CEP41: variants seen among roughly 807,000 people sequenced by gnomAD.
The protein encoded by CEP41 is centrosomal protein of 41 kDa.
In CEP41, 32 loss-of-function variants were observed where a neutral mutation model predicts 44.3. The ratio of observed to expected loss-of-function variants is 0.72; its 90% confidence interval spans 0.54 to 0.97. CEP41 has a LOEUF of 0.97. CEP41 is among the 50% of genes least tolerant of loss of function. The pLI is 0.00. For synonymous variants in CEP41, 151 were observed against 168.5 expected, an observed-to-expected ratio of 0.90 and a Z score of 0.80; for missense variants, 432 against 455.2, an observed-to-expected ratio of 0.95 and a Z score of 0.46.
At chr7:130,402,847 C>T in intron 6 of CEP41, 48 bp from the exon 7 acceptor site, 1 of 1,600,746 alleles carries the variant, frequency 6.2e-7, no homozygotes, top group African/African-American at 1.3e-5. Flanking sequence ...AGGTTGGTGG[C>T]TTAAAGGTCG....
chr7:130,439,009 A>G (rs539926657), intron 1 of CEP41, among the ~76,000 whole-genome samples: 83 of 152,296 alleles, frequency 5.4e-4, no homozygotes, highest in African/African-American at 1.8e-3. Flanking sequence ...GAAATCTACA[A>G]TATAGTTGAA....
intron 4 of CEP41, 36 bp downstream of exon 4, chr7:130,412,143 C>CA: frequency 8.5e-7 from 1 of 1,172,736 alleles, no homozygotes; most frequent in Non-Finnish European, 1.3e-6. Context: ...ACAAATTAGA[C>CA]AGACTTTACT....
intron 1 of CEP41, among the ~76,000 whole-genome samples, chr7:130,437,299 CAT>C (rs1270884918): frequency 6.6e-6 from 1 of 151,436 alleles, no homozygotes; most frequent in African/African-American, 2.4e-5. Flanking sequence ...ACTAAAAAGA[CAT>C]AAATTTCTGG....
intron 2 of CEP41, among the ~76,000 whole-genome samples, chr7:130,418,274 T>C (rs1554421306): frequency 6.6e-6 from 1 of 152,122 alleles, no homozygotes; most frequent in Non-Finnish European, 1.5e-5. Flanking sequence ...GAGGCCCAAA[T>C]ATCACCAAGA....
intron 8 of CEP41, 37 bp from the exon 9 acceptor site, chr7:130,400,858 G>C: frequency 7.5e-7 from 1 of 1,339,018 alleles, no homozygotes; most frequent in Non-Finnish European, 1.1e-6. Context: ...AAGGCACTGG[G>C]CTGATGTCCC....
At position 130,428,206 on chromosome 7, in the gene CEP41, C is replaced by T. The variant is rs565275500; in HGVS notation, c.34-188G>A. Among the ~76,000 whole-genome samples, 21 of 150,988 alleles carry T rather than the reference C, an allele frequency of 1.4e-4. No homozygotes were observed. The South Asian group carries it at 3.6e-3, about 26-fold the overall frequency. On this transcript the variant is annotated intron_variant, in intron 1 of 10. Transcript: ENST00000223208. The stretch of plus-strand genomic sequence containing the variant: ...TAGGAGGCCGAGGTGGGTGGATCAC[C>T]TAAGGTCAGGAGTTCGAGGTCAGCC...
intron 2 of CEP41, chr7:130,426,696 A>C (rs1320006754): frequency 2.2e-5 from 10 of 455,526 alleles, no homozygotes; most frequent in Non-Finnish European, 4.4e-5. Flanking sequence ...GGTAGAGATG[A>C]AAGAGCTGAG....
rs1554413926 is a variant in CEP41, at chr7:130,395,001, G to C, written c.*3890C>G. 2.2e-6 allele frequency: 1 copy of C among 454,028 alleles called. No individual in the cohort carries two copies. The highest frequency in any genetic ancestry group is 4.4e-6 in the Non-Finnish European group (1 of 226,780). 28.1% of individuals were successfully genotyped at this position (454,028 alleles called of 1,614,324 possible). A position where few individuals can be genotyped will look rare whatever the true frequency, so the allele number is the denominator to read the frequency against. On this transcript the variant is annotated 3_prime_UTR_variant, in exon 11 of 11. Coordinates refer to ENST00000223208, the MANE Select transcript of CEP41 (RefSeq NM_018718.3). ...ACAAAGAGGATCAGCAACAGAGAGG[G>C]GAGCCATCAGGGGATCACAATGTGA...
rs1554427353 is a variant in CEP41, at chr7:130,440,663, C to T, written c.33+271G>A. On this transcript the variant is annotated intron_variant, in intron 1 of 10. Transcript: ENST00000223208. ...TCCGAGACTGTAAGCCATTTGAGGGCAAGGGCTGTGTCTTTGGGTACTTCG... is the reference window on the plus strand; with the variant it reads ...TCCGAGACTGTAAGCCATTTGAGGGTAAGGGCTGTGTCTTTGGGTACTTCG... The T allele has an allele frequency of 5.0e-6, 3 of 594,302 alleles. No individual in the cohort carries two copies. The African/African-American group carries it at 5.6e-5, about 11-fold the overall frequency. The allele number at this position is 594,302 out of a possible 1,614,324, so 36.8% of individuals were successfully genotyped here.
chr7:130,396,340 G>C lies in CEP41; in HGVS notation c.*2551C>G, dbSNP rs1554414525. The C allele has an allele frequency of 2.2e-6, 1 of 454,070 alleles. No homozygotes were observed. Among genetic ancestry groups the C allele is most frequent in the Non-Finnish European group, 4.4e-6 (1 of 226,772 alleles). 28.1% of individuals were successfully genotyped at this position (454,070 alleles called of 1,614,324 possible). On this transcript the variant is annotated 3_prime_UTR_variant, in exon 11 of 11. Coordinates refer to ENST00000223208, the MANE Select transcript of CEP41 (RefSeq NM_018718.3). ...CAGCCTGAGCAGGAAAAGAAATCCA[G>C]GCTTTCTGACTGGAGAGCTGAGGCC...
At chr7:130,416,882 A>T in intron 3 of CEP41, 37 bp downstream of exon 3, 2 of 1,470,588 alleles carry the variant, frequency 1.4e-6, no homozygotes, top group Non-Finnish European at 1.9e-6. Context: ...ACAACTATAG[A>T]CTTCCACTCT....
chr7:130,432,807 A>G (rs1022177497), intron 1 of CEP41, among the ~76,000 whole-genome samples: 3 of 152,106 alleles, frequency 2.0e-5, no homozygotes, highest in African/African-American at 7.2e-5. Context: ...GGCTACTTGC[A>G]TCTAGAAATC....
chr7:130,441,209 C>T (rs542293061), upstream of CEP41: 3,108 of 513,198 alleles, frequency 6.1e-3, 9 homozygotes, highest in Non-Finnish European at 8.5e-3. Flanking sequence ...CTTTTGTTCT[C>T]TGGGCTGGGG....
rs1584857666 is a variant in CEP41, at chr7:130,393,962, G to A, written c.*4929C>T. 2.2e-6 allele frequency: 1 copy of A among 454,008 alleles called. No individual in the cohort carries two copies. Among genetic ancestry groups the A allele is most frequent in the East Asian group, 6.9e-5 (1 of 14,410 alleles). 28.1% of individuals were successfully genotyped at this position (454,008 alleles called of 1,614,324 possible). A position where few individuals can be genotyped will look rare whatever the true frequency, so the allele number is the denominator to read the frequency against. ...TCTTCAAGATAAGACAGCAGACACA[G>A]GCGGTGGAAATGTGGAAATACGCAT... On this transcript the variant is annotated 3_prime_UTR_variant, in exon 11 of 11. Transcript: ENST00000223208.
At chr7:130,417,047 G>A in intron 2 of CEP41, 81 bp from the exon 3 acceptor site, 5 of 1,358,152 alleles carry the variant, frequency 3.7e-6, no homozygotes, top group South Asian at 3.5e-5. Flanking sequence ...TGGAGGAAAA[G>A]TATCCCCTAA....
At chr7:130,417,580 C>G (rs1797373726) in intron 2 of CEP41, among the ~76,000 whole-genome samples, 1 of 152,112 alleles carries the variant, frequency 6.6e-6, no homozygotes, top group Non-Finnish European at 1.5e-5. Flanking sequence ...AGGCCCCAGC[C>G]CTCATGTTTT....
At chr7:130,433,100 G>A (rs1554425459) in intron 1 of CEP41, among the ~76,000 whole-genome samples, 1 of 152,196 alleles carries the variant, frequency 6.6e-6, no homozygotes, top group Non-Finnish European at 1.5e-5. Context: ...GAACAAGAAT[G>A]CTGTTCAAGT....
intron 2 of CEP41, among the ~76,000 whole-genome samples, chr7:130,418,213 T>C (rs1554421282): frequency 2.0e-5 from 3 of 152,208 alleles, no homozygotes; most frequent in Non-Finnish European, 4.4e-5. Flanking sequence ...CAGTCAGGGC[T>C]GCCAGGAAGG....
intron 3 of CEP41, among the ~76,000 whole-genome samples, chr7:130,415,323 C>T (rs1166992305): frequency 2.6e-5 from 4 of 152,086 alleles, no homozygotes; most frequent in Non-Finnish European, 5.9e-5. Context: ...CCTTTCAACC[C>T]CAAATAATAC....
Sources: gnomAD v4.1 joint callset for allele counts (sites outside exome capture counted in the v4.1 genomes callset) on GRCh38, gnomAD v4.1.1 for gene constraint, MANE v1.5 for transcripts, NCBI Gene and HGNC (gene_info 2026-07-23, HGNC 2026-07-21) for gene names.